CREB3L3: variants seen among roughly 807,000 people sequenced by gnomAD.
CREB3L3 encodes cyclic AMP-responsive element-binding protein 3-like protein 3.
A neutral mutation model predicts 44.6 loss-of-function variants in CREB3L3; 40 were observed. The observed-to-expected ratio is 0.90, with a 90% CI of 0.70 to 1.17. The LOEUF is 1.17. CREB3L3 is among the 50% of genes most tolerant of loss of function. The pLI is 0.00. For missense variants in CREB3L3, 578 were observed against 595.8 expected, an observed-to-expected ratio of 0.97 and a Z score of 0.31; for synonymous variants, 273 against 256.3, an observed-to-expected ratio of 1.06 and a Z score of -0.62.
At chr19:4,167,069 G>A (rs1191973087) in intron 5 of CREB3L3, among the ~76,000 whole-genome samples, 1 of 152,146 alleles carries the variant, frequency 6.6e-6, no homozygotes, top group South Asian at 2.1e-4. Context: ...TTGGCCGGGT[G>A]TGGTGTCTCA....
intron 4 of CREB3L3, among the ~76,000 whole-genome samples, chr19:4,161,668 C>T (rs543620170): frequency 6.6e-6 from 1 of 152,312 alleles, no homozygotes; most frequent in East Asian, 1.9e-4. Context: ...GCCATGAGCC[C>T]TAAGTCACAC....
rs201874862 is a variant in CREB3L3, at chr19:4,171,061, G to T, written c.891-30G>T. 826 of 1,583,574 alleles carry T rather than the reference G, an allele frequency of 5.2e-4. No individual in the cohort carries two copies. Among genetic ancestry groups the T allele is most frequent in the Non-Finnish European group, 6.7e-4 (773 of 1,152,276 alleles). On this transcript the variant is annotated intron_variant, in intron 7 of 9. Coordinates refer to ENST00000078445, the MANE Select transcript of CREB3L3 (RefSeq NM_032607.3). This position sits in a 1 kb window ranked among gnomAD's most constrained non-coding sequence, Gnocchi z 4.9. ...AGAAGCAGAACCGAGGCCCTTTAGGGCTCAGCGGAGGCCTGCCTGTCTCTC... is the reference window on the plus strand; with the variant it reads ...AGAAGCAGAACCGAGGCCCTTTAGGTCTCAGCGGAGGCCTGCCTGTCTCTC...
intron 3 of CREB3L3, 67 bp from the exon 4 acceptor site, chr19:4,159,597 G>C: frequency 1.2e-6 from 1 of 803,202 alleles, no homozygotes; most frequent in Non-Finnish European, 2.3e-6. Flanking sequence ...GGCGGTTAGA[G>C]GCTGGAAGCT....
Position 4,161,026 on chromosome 19 carries a change from C to T in CREB3L3, c.576+1244C>T, listed in dbSNP as rs570698427. On this transcript the variant is annotated intron_variant, in intron 4 of 9. Coordinates refer to ENST00000078445, the MANE Select transcript of CREB3L3 (RefSeq NM_032607.3). ...TACCGGGTTCACACCATTCTCCTGC[C>T]TCAGCCTCCCGAGTAGCTGGGACTA... Among the ~76,000 whole-genome samples the T allele has an allele frequency of 2.6e-5, 4 of 152,122 alleles. No individual in the cohort carries two copies. The East Asian group carries it at 7.8e-4, about 30-fold the overall frequency.
rs1469789134 is a variant in CREB3L3 at position 4,156,539 on chromosome 19, C to G, written c.157-456C>G. ...TTTTTTTTTGAGATGGAGTCTTGCTCTGTTGCCTAGGGTGGAGTGCGGTGG... is the reference window on the plus strand; with the variant it reads ...TTTTTTTTTGAGATGGAGTCTTGCTGTGTTGCCTAGGGTGGAGTGCGGTGG... On this transcript the variant is annotated intron_variant, in intron 2 of 9. Transcript: ENST00000078445. Among the ~76,000 whole-genome samples the G allele has an allele frequency of 3.6e-5, 5 of 138,164 alleles. No homozygotes were observed. In the East Asian group the frequency reaches 8.6e-4, roughly 24 times the overall value. The allele number at this position is 138,164 out of a possible 152,430, so 90.6% of individuals were successfully genotyped here. A position where few individuals can be genotyped will look rare whatever the true frequency, so the allele number is the denominator to read the frequency against.
rs569362227 is a variant in CREB3L3, at chr19:4,164,243, G to T, written c.577-260G>T. 5.9e-5 allele frequency among the ~76,000 whole-genome samples: 9 copies of T among 152,128 alleles called. No individual in the cohort carries two copies. The East Asian group carries it at 1.5e-3, about 26-fold the overall frequency. The stretch of plus-strand genomic sequence containing the variant: ...CCACCTCGGCCTCCCAAAGTGCTGG[G>T]ATTACAGGCATGAGCCACCGCACCT... On this transcript the variant is annotated intron_variant, in intron 4 of 9. Transcript: ENST00000078445.
At chr19:4,153,805 G>C (rs755572217) in intron 1 of CREB3L3, 31 bp downstream of exon 1, 1 of 1,613,234 alleles carries the variant, frequency 6.2e-7, no homozygotes, top group African/African-American at 1.3e-5. Flanking sequence ...AGGGAGAGCG[G>C]GAGTCTAGGC....
At position 4,168,427 on chromosome 19, in the gene CREB3L3, A is replaced by G. The variant is rs1246539144; in HGVS notation, c.791A>G (p.Lys264Arg). The G allele has an allele frequency of 6.8e-6, 11 of 1,610,876 alleles. No homozygotes were observed. In the South Asian group the frequency reaches 1.2e-4, roughly 18 times the overall value. Residue 264 changes from lysine to arginine, a missense_variant, in exon 6 of 10, where the codon AAG becomes AGG. Physicochemically the swap from Lys to Arg is conservative, Grantham distance 26. Transcript: ENST00000078445. ...KQSAQESRKK[K>R]KEYIDGLETR... ...TCGGCGCAAGAAAGCAGGAAGAAGA[A>G]GAAGGAATATATCGATGGCCTGGAG...
intron 2 of CREB3L3, among the ~76,000 whole-genome samples, 173 bp downstream of exon 2, chr19:4,155,200 T>C (rs2041556214): frequency 6.6e-6 from 1 of 152,140 alleles, no homozygotes; most frequent in Non-Finnish European, 1.5e-5. Flanking sequence ...GCGGGTAGCA[T>C]CAGCTCCTTC....
intron 6 of CREB3L3, among the ~76,000 whole-genome samples, 160 bp from the exon 7 acceptor site, chr19:4,169,980 C>A (rs1345004598): frequency 6.6e-6 from 1 of 152,122 alleles, no homozygotes; most frequent in African/African-American, 2.4e-5. Flanking sequence ...GGGTTCAAAT[C>A]CCAGCCCTGT....
At position 4,155,001 on chromosome 19, in the gene CREB3L3, G is replaced by T; in HGVS notation, c.130G>T (p.Glu44Ter). Residue 44 changes from glutamate to a stop codon, truncating the protein, a stop_gained, in exon 2 of 10, where the codon GAG (glutamate) becomes TAG (stop). Transcript: ENST00000078445. LOFTEE classifies it high-confidence loss of function. ...DGILRHVELGEGWGHVKDQQV... is the reference protein window; with the variant it reads ...DGILRHVELG ...CATCCTGAGACACGTGGAGCTGGGC[G>T]AGGGCTGGGGTCACGTCAAGGACCA... The T allele has an allele frequency of 1.2e-6, 2 of 1,610,714 alleles. No individual in the cohort carries two copies. Among genetic ancestry groups the T allele is most frequent in the Non-Finnish European group, 1.7e-6 (2 of 1,179,988 alleles).
At chr19:4,167,433 AAAG>A (rs1966935106) in intron 5 of CREB3L3, among the ~76,000 whole-genome samples, 11 of 84,328 alleles carry the variant, frequency 1.3e-4, no homozygotes, top group South Asian at 4.0e-4. Context: ...AGAAAGAAAG[AAAG>A]GAAAGAAAGA....
intron 4 of CREB3L3, among the ~76,000 whole-genome samples, chr19:4,163,802 C>A (rs1187390940): frequency 2.1e-5 from 3 of 143,766 alleles, no homozygotes; most frequent in African/African-American, 7.7e-5. Context: ...CGTGAGCCAC[C>A]TTTTCTTTTT....
At chr19:4,157,851 AATATTT>A (rs2041606483) in intron 3 of CREB3L3, among the ~76,000 whole-genome samples, 1 of 151,786 alleles carries the variant, frequency 6.6e-6, no homozygotes, top group African/African-American at 2.4e-5. Context: ...ATGCCCAGCT[AATATTT>A]ATTTTTTAGT....
chr19:4,166,269 C>T (rs73540054), intron 5 of CREB3L3, among the ~76,000 whole-genome samples: 24,381 of 147,160 alleles, frequency 0.17, 2,329 homozygotes, highest in East Asian at 0.27. Flanking sequence ...TTTTTTTTTT[C>T]CTGAGACGGA....
chr19:4,154,623 C>G (rs147148530), intron 1 of CREB3L3, among the ~76,000 whole-genome samples: 2 of 152,158 alleles, frequency 1.3e-5, no homozygotes, highest in East Asian at 3.9e-4. Flanking sequence ...ATCCTCCTGC[C>G]CCGGCCTCCC....
At chr19:4,155,088 C>T in intron 2 of CREB3L3, 61 bp downstream of exon 2, 2 of 1,594,500 alleles carry the variant, frequency 1.3e-6, no homozygotes, top group Non-Finnish European at 8.5e-7. Context: ...AACTGAGGCC[C>T]CACGAAGGTG....
At chr19:4,165,009 T>C (rs2041707491) in intron 5 of CREB3L3, among the ~76,000 whole-genome samples, 2 of 152,080 alleles carry the variant, frequency 1.3e-5, no homozygotes, top group Non-Finnish European at 2.9e-5. Context: ...GCACTGGCTA[T>C]GTGTCTCACC....
chr19:4,165,174 CTTT>C (rs377031237), intron 5 of CREB3L3, among the ~76,000 whole-genome samples: 2 of 143,728 alleles, frequency 1.4e-5, no homozygotes, highest in Non-Finnish European at 3.1e-5. Context: ...GTGCAGCAAA[CTTT>C]TTTTTTTTTT....
Sources: gnomAD v4.1 joint callset for allele counts (sites outside exome capture counted in the v4.1 genomes callset) on GRCh38, gnomAD v4.1.1 for gene constraint, Gnocchi (gnomAD v3.1) non-coding constraint, MANE v1.5 for transcripts, NCBI Gene and HGNC (gene_info 2026-07-23, HGNC 2026-07-21) for gene names.